The following ANO5 variants were observed in gnomAD, a reference collection of about 807,000 sequenced individuals.
The protein encoded by ANO5 is anoctamin-5.
ANO5 carries 109 observed loss-of-function variants against 121.0 expected under a neutral mutation model. That is an observed-to-expected ratio of 0.90 (90% confidence interval 0.77 to 1.06). ANO5 has a LOEUF of 1.06. ANO5 is among the 50% of genes least tolerant of loss of function. ANO5 has a pLI of 0.00. For synonymous variants in ANO5, 406 were observed against 359.9 expected (o/e 1.13, Z -1.45); for missense variants, 1,064 against 1,078.5 (o/e 0.99, Z 0.19).
At chr11:22,244,701 C>T (rs1268752406) in intron 9 of ANO5, among the ~76,000 whole-genome samples, 2 of 151,650 alleles carry the variant, frequency 1.3e-5, no homozygotes, top group African/African-American at 2.4e-5. Context: ...ATTATAAAAT[C>T]CTTGTAGTGA....
chr11:22,195,416 C>T (rs1029416997), intron 1 of ANO5, among the ~76,000 whole-genome samples: 16 of 151,640 alleles, frequency 1.1e-4, no homozygotes, highest in African/African-American at 3.9e-4. Context: ...TGAAGCATAC[C>T]CCCCTTATTT....
intron 1 of ANO5, among the ~76,000 whole-genome samples, chr11:22,193,736 A>G (rs1851726779): frequency 6.6e-6 from 1 of 152,094 alleles, no homozygotes; most frequent in Non-Finnish European, 1.5e-5. Context: ...TCGGCGCCCC[A>G]CAGATTTCTC....
chr11:22,276,117 C>T lies in ANO5; in HGVS notation c.2438C>T (p.Pro813Leu), dbSNP rs547523498. 1.2e-6 allele frequency: 2 copies of T among 1,609,556 alleles called. No homozygotes were observed. The highest frequency in any genetic ancestry group is 1.7e-6 in the Non-Finnish European group (2 of 1,176,614). Reference protein sequence around the residue: ...TCRYRDYRYPPDDENKYFHNM... With the variant: ...TCRYRDYRYPLDDENKYFHNM... Reference sequence around the variant, plus strand: ...AGGTACAGAGATTACAGATATCCTCCTGATGACGAGAATAAATATTTTCAT... The same window carrying T: ...AGGTACAGAGATTACAGATATCCTCTTGATGACGAGAATAAATATTTTCAT... The change falls in exon 21 of 22, where the codon CCT (proline) becomes CTT (leucine). Residue 813 changes from proline to leucine, a missense_variant. Coordinates refer to ENST00000324559, the MANE Select transcript of ANO5 (RefSeq NM_213599.3).
chr11:22,205,959 C>T (rs567097176), intron 2 of ANO5, among the ~76,000 whole-genome samples: 2 of 152,212 alleles, frequency 1.3e-5, no homozygotes, highest in East Asian at 3.9e-4. Context: ...ACTAAGTAAA[C>T]TGAATGTGTA....
chr11:22,216,813 G>A (rs1852460977), intron 3 of ANO5, among the ~76,000 whole-genome samples: 1 of 151,726 alleles, frequency 6.6e-6, no homozygotes, highest in East Asian at 1.9e-4. Context: ...TATAGTTTTA[G>A]TTTTTATGTT....
chr11:22,215,944 T>C (rs1163774318), intron 3 of ANO5, among the ~76,000 whole-genome samples: 1 of 151,924 alleles, frequency 6.6e-6, no homozygotes, highest in Non-Finnish European at 1.5e-5. Flanking sequence ...ACAATGTTTC[T>C]AAGACTCATG....
At chr11:22,254,188 T>C (rs1427154078) in intron 12 of ANO5, among the ~76,000 whole-genome samples, 1 of 152,118 alleles carries the variant, frequency 6.6e-6, no homozygotes, top group East Asian at 1.9e-4. Context: ...AAAATATATT[T>C]TGGAAGCTGA....
At chr11:22,246,096 T>C (rs1267605452) in intron 9 of ANO5, among the ~76,000 whole-genome samples, 4 of 152,152 alleles carry the variant, frequency 2.6e-5, no homozygotes, top group Non-Finnish European at 5.9e-5. Context: ...TATTTTCTTT[T>C]TTCTGTTTAC....
At chr11:22,199,420 A>G (rs1405814149) in intron 1 of ANO5, among the ~76,000 whole-genome samples, 3 of 152,226 alleles carry the variant, frequency 2.0e-5, no homozygotes, top group South Asian at 4.1e-4. Flanking sequence ...GCTTGAGTAC[A>G]TTACTACACC....
rs1161884254 is a variant in ANO5 at position 22,276,086 on chromosome 11, C to A, written c.2415-8C>A. ...TTTTTTTTTTTTGCATTTACTTCCA[C>A]TTTTCAGGTACAGAGATTACAGATA... On this transcript the variant is annotated splice_polypyrimidine_tract_variant and splice_region_variant and intron_variant, in intron 20 of 21. Coordinates refer to ENST00000324559, the MANE Select transcript of ANO5 (RefSeq NM_213599.3). The A allele has an allele frequency of 6.4e-7, 1 of 1,563,372 alleles. No individual in the cohort carries two copies. The highest frequency in any genetic ancestry group is 1.7e-4 in the Middle Eastern group (1 of 5,888).
chr11:22,195,243 T>C (rs189571798), intron 1 of ANO5, among the ~76,000 whole-genome samples: 1 of 152,326 alleles, frequency 6.6e-6, no homozygotes, highest in South Asian at 2.1e-4. Flanking sequence ...GAAGTGTCTA[T>C]TCAGATCATT....
At chr11:22,203,064 C>A (rs1041571217) in intron 1 of ANO5, among the ~76,000 whole-genome samples, 17 of 152,012 alleles carry the variant, frequency 1.1e-4, no homozygotes, top group Admixed American at 3.3e-4. Flanking sequence ...GCTCTCTGTT[C>A]AGTTTCATTC....
intron 18 of ANO5, 92 bp downstream of exon 18, chr11:22,270,534 G>C: frequency 6.4e-7 from 1 of 1,562,814 alleles, no homozygotes; most frequent in East Asian, 2.3e-5. Flanking sequence ...CACATGGTAG[G>C]TGTTCAATAA....
chr11:22,237,565 A>AT (rs1853265260), intron 8 of ANO5, among the ~76,000 whole-genome samples: 1 of 151,874 alleles, frequency 6.6e-6, no homozygotes, highest in Admixed American at 6.6e-5. Context: ...TAATTTTTGT[A>AT]TTTTTAGTAG....
chr11:22,221,352 A>G (rs544941974), intron 5 of ANO5, 142 bp downstream of exon 5: 1 of 722,082 alleles, frequency 1.4e-6, no homozygotes, highest in East Asian at 2.7e-5. Context: ...GATAACTGTA[A>G]AGTAGGCAGC....
intron 1 of ANO5, among the ~76,000 whole-genome samples, chr11:22,197,755 G>T (rs906159310): frequency 3.3e-5 from 5 of 152,096 alleles, no homozygotes; most frequent in African/African-American, 9.7e-5. Flanking sequence ...CAGTCTTTAG[G>T]CTGGCTTTAC....
At position 22,279,300 on chromosome 11, in the gene ANO5, TAA is replaced by T. The variant is rs566019720; in HGVS notation, c.2521-242_2521-241del. ...TCAGGTTTTCAGGAAGGAGCAGTGA[TAA>T]AGAGTATATTCAATAATCATGTTCA... On this transcript the variant is annotated intron_variant, in intron 21 of 21. Transcript: ENST00000324559. 1.4e-4 allele frequency among the ~76,000 whole-genome samples: 21 copies of T among 152,034 alleles called. No individual in the cohort carries two copies. In the East Asian group the frequency reaches 3.7e-3, roughly 27 times the overall value.
At chr11:22,246,856 CAAAAAA>C (rs10565920) in intron 9 of ANO5, among the ~76,000 whole-genome samples, 2,610 of 62,246 alleles carry the variant, frequency 0.042, 28 homozygotes, top group Admixed American at 0.07. Flanking sequence ...GACCCTGTTT[CAAAAAA>C]AAAAAAAAAA....
Position 22,239,699 on chromosome 11 carries a change from C to A in ANO5, c.878+15C>A. 6.5e-7 allele frequency: 1 copy of A among 1,535,104 alleles called. No homozygotes were observed. Among genetic ancestry groups the A allele is most frequent in the Non-Finnish European group, 9.0e-7 (1 of 1,108,724 alleles). On this transcript the variant is annotated intron_variant, in intron 9 of 21. Coordinates refer to ENST00000324559, the MANE Select transcript of ANO5 (RefSeq NM_213599.3). The stretch of plus-strand genomic sequence containing the variant: ...GACTTGATTAAGTAAGTTTCATACA[C>A]AGGATCAGACCAATTAAAACTTGAT...
Sources: allele counts gnomAD v4.1 joint callset (sites outside exome capture counted in the v4.1 genomes callset), GRCh38; gene constraint gnomAD v4.1.1; transcripts MANE v1.5; gene names NCBI Gene and HGNC (gene_info 2026-07-23, HGNC 2026-07-21).